Variants in SLC7A1 observed in about 807,000 individuals in gnomAD.
SLC7A1 encodes the protein high affinity cationic amino acid transporter 1.
A neutral mutation model predicts 53.9 loss-of-function variants in SLC7A1; 10 were observed. The ratio of observed to expected loss-of-function variants is 0.19; its 90% confidence interval spans 0.11 to 0.31. The LOEUF (loss-of-function observed/expected upper bound fraction) is 0.31. SLC7A1 is among the 10% of genes least tolerant of loss of function. SLC7A1 has a pLI of 1.00. For synonymous variants in SLC7A1, 342 were observed against 338.7 expected (o/e 1.01, Z -0.11); for missense variants, 525 against 827.2 (o/e 0.63, Z 4.48).
At chr13:29,549,509 T>C (rs138909824) in intron 2 of SLC7A1, among the ~76,000 whole-genome samples, 3 of 152,304 alleles carry the variant, frequency 2.0e-5, no homozygotes, top group African/African-American at 7.2e-5. Context: ...CCACCCCAAA[T>C]TGACCCCAGA....
At chr13:29,524,558 G>A (rs551034067) in intron 5 of SLC7A1, among the ~76,000 whole-genome samples, 1 of 152,290 alleles carries the variant, frequency 6.6e-6, no homozygotes, top group Non-Finnish European at 1.5e-5. Context: ...ACAGGAAATG[G>A]GGGAGAAACC....
intron 1 of SLC7A1, among the ~76,000 whole-genome samples, chr13:29,593,133 A>G (rs1872176989): frequency 6.6e-6 from 1 of 152,186 alleles, no homozygotes; most frequent in Non-Finnish European, 1.5e-5. Context: ...CCCTGGGGAT[A>G]AGAGTTCTAA....
intron 1 of SLC7A1, among the ~76,000 whole-genome samples, chr13:29,557,296 ACAGT>A (rs1870480344): frequency 6.6e-6 from 1 of 152,204 alleles, no homozygotes; most frequent in Non-Finnish European, 1.5e-5. Flanking sequence ...ATATTATAAT[ACAGT>A]CATGTGTCAT....
At chr13:29,582,487 C>T (rs73454230) in intron 1 of SLC7A1, among the ~76,000 whole-genome samples, 11,978 of 152,242 alleles carry the variant, frequency 0.079, 1,245 homozygotes, top group African/African-American at 0.24. Flanking sequence ...TTTGAGCATC[C>T]ACTTCCTAGC....
chr13:29,575,349 C>CA (rs1285752607), intron 1 of SLC7A1, among the ~76,000 whole-genome samples: 1 of 151,988 alleles, frequency 6.6e-6, no homozygotes, highest in Non-Finnish European at 1.5e-5. Context: ...ACTCAAACAA[C>CA]AAAAAAAGAA....
chr13:29,555,595 T>C (rs1342200448), intron 1 of SLC7A1, among the ~76,000 whole-genome samples: 2 of 150,516 alleles, frequency 1.3e-5, no homozygotes, highest in Non-Finnish European at 3.0e-5. Flanking sequence ...AGCATCCTGG[T>C]GCCCCACTGC....
intron 2 of SLC7A1, among the ~76,000 whole-genome samples, chr13:29,545,107 G>A (rs1303855258): frequency 6.6e-6 from 1 of 152,154 alleles, no homozygotes; most frequent in Non-Finnish European, 1.5e-5. Flanking sequence ...TCAACAACTT[G>A]TGAGGGTCTT....
intron 1 of SLC7A1, among the ~76,000 whole-genome samples, chr13:29,559,950 T>C (rs1036555862): frequency 4.6e-4 from 70 of 152,118 alleles, no homozygotes; most frequent in Non-Finnish European, 6.8e-4. Context: ...CTCCTGACCT[T>C]GTGATCCGCC....
At chr13:29,576,133 T>C (rs1415900295) in intron 1 of SLC7A1, among the ~76,000 whole-genome samples, 2 of 151,522 alleles carry the variant, frequency 1.3e-5, no homozygotes, top group Non-Finnish European at 2.9e-5. Flanking sequence ...ACAAAAACTA[T>C]TCTAAAAAAT....
At chr13:29,534,930 G>C (rs1869338739) in intron 3 of SLC7A1, among the ~76,000 whole-genome samples, 1 of 152,202 alleles carries the variant, frequency 6.6e-6, no homozygotes, top group Non-Finnish European at 1.5e-5. Flanking sequence ...AAAGCATAAA[G>C]AGAAGCAAAG....
chr13:29,517,193 G>A lies in SLC7A1; in HGVS notation c.1628C>T (p.Thr543Met), dbSNP rs745399576. Residue 543 changes from threonine to methionine, a missense_variant, in exon 11 of 13, where the codon ACG (threonine) becomes ATG (methionine). By Grantham distance (81) the Thr-to-Met change is moderately conservative. Transcript: ENST00000380752. ...CTCGGGCTGCCTCCAGATGACGCCC[G>A]TGACCACGGCACAGAGGAGGGCAGA... Reference protein sequence around the residue: ...AGSALLCAVVTGVIWRQPESK... With the variant: ...AGSALLCAVVMGVIWRQPESK... 1.3e-5 allele frequency: 21 copies of A among 1,612,934 alleles called. No homozygotes were observed. Among genetic ancestry groups the A allele is most frequent in the African/African-American group, 2.7e-5 (2 of 74,908 alleles).
At chr13:29,566,386 C>T (rs1303172325) in intron 1 of SLC7A1, among the ~76,000 whole-genome samples, 3 of 152,188 alleles carry the variant, frequency 2.0e-5, no homozygotes, top group Non-Finnish European at 4.4e-5. Flanking sequence ...CGTCCATCGA[C>T]TGCTGAATGG....
In SLC7A1 at chr13:29,517,556, G is replaced by A. The variant is rs934427031; in HGVS notation, c.1510+17C>T. ...CAATGCCAACAAGCAAGGCCCCAGG[G>A]AAGGGCTAGCTCTTACCTATGAGGC... is the stretch of plus-strand genomic sequence containing the variant. On this transcript the variant is annotated intron_variant, in intron 10 of 12. Coordinates refer to ENST00000380752, the MANE Select transcript of SLC7A1 (RefSeq NM_003045.5). 9.5e-6 allele frequency: 15 copies of A among 1,583,764 alleles called. No homozygotes were observed. Among genetic ancestry groups the A allele is most frequent in the Non-Finnish European group, 1.3e-5 (15 of 1,152,434 alleles).
chr13:29,593,558 G>T (rs139809266), intron 1 of SLC7A1, among the ~76,000 whole-genome samples: 5 of 152,308 alleles, frequency 3.3e-5, no homozygotes, highest in Admixed American at 3.3e-4. Context: ...CCAAATACAT[G>T]GTTGATAATG....
chr13:29,571,348 T>C (rs1175850712), intron 1 of SLC7A1, among the ~76,000 whole-genome samples: 1 of 152,218 alleles, frequency 6.6e-6, no homozygotes, highest in Non-Finnish European at 1.5e-5. Context: ...GGGAAAATTA[T>C]AAAAACATAA....
chr13:29,546,113 C>T (rs1869911181), intron 2 of SLC7A1, among the ~76,000 whole-genome samples: 1 of 152,232 alleles, frequency 6.6e-6, no homozygotes, highest in African/African-American at 2.4e-5. Context: ...AAGAAAACAT[C>T]AGTCTGCACA....
intron 1 of SLC7A1, among the ~76,000 whole-genome samples, chr13:29,580,996 T>A (rs1431464180): frequency 2.0e-5 from 3 of 152,124 alleles, no homozygotes; most frequent in Admixed American, 2.0e-4. Context: ...TGGCTCACAT[T>A]TTACAGAAGT....
At chr13:29,515,981 T>C (rs939107274) in intron 12 of SLC7A1, among the ~76,000 whole-genome samples, 157 bp downstream of exon 12, 1 of 152,246 alleles carries the variant, frequency 6.6e-6, no homozygotes, top group Non-Finnish European at 1.5e-5. Flanking sequence ...AAAAAGTATC[T>C]AACAGGGAGG....
intron 9 of SLC7A1, among the ~76,000 whole-genome samples, chr13:29,518,573 A>G (rs571320980): frequency 2.0e-5 from 3 of 152,184 alleles, no homozygotes; most frequent in South Asian, 4.2e-4. Flanking sequence ...AAAGTGGGAG[A>G]CCTCAGAGAA....
Sources: gnomAD v4.1 joint callset for allele counts (sites outside exome capture counted in the v4.1 genomes callset) on GRCh38, gnomAD v4.1.1 for gene constraint, MANE v1.5 for transcripts, NCBI Gene and HGNC (gene_info 2026-07-23, HGNC 2026-07-21) for gene names.